The following TAFA1 variants were observed in gnomAD, a reference collection of about 807,000 sequenced individuals.
TAFA1 encodes TAFA chemokine like family member 1, also known as chemokine-like protein TAFA-1.
TAFA1 carries 4 observed loss-of-function variants against 18.5 expected under a neutral mutation model. The observed-to-expected ratio is 0.22, with a 90% CI of 0.11 to 0.49. The LOEUF is 0.49. Ranked by LOEUF, TAFA1 falls within the 20% of genes least tolerant of loss-of-function variation. The pLI is 0.98. For synonymous variants in TAFA1, 56 were observed against 55.2 expected, an observed-to-expected ratio of 1.01 and a Z score of -0.06; for missense variants, 147 against 169.0, an observed-to-expected ratio of 0.87 and a Z score of 0.72.
chr3:68,247,084 A>C lies in TAFA1; in HGVS notation c.119-170196A>C, dbSNP rs569189625. 2.0e-5 allele frequency among the ~76,000 whole-genome samples: 3 copies of C among 151,780 alleles called. No homozygotes were observed. In the South Asian group the frequency reaches 6.3e-4, roughly 32 times the overall value. On this transcript the variant is annotated intron_variant, in intron 2 of 4. Transcript: ENST00000478136. ...AGTAAACATCGATGTATTATTATTA[A>C]TACCTCCACCTACGCTATATACTGA...
chr3:68,049,514 G>A lies in TAFA1; in HGVS notation c.118+42770G>A, dbSNP rs186974922. Among the ~76,000 whole-genome samples the A allele has an allele frequency of 3.9e-5, 6 of 152,072 alleles. No individual in the cohort carries two copies. In the East Asian group the frequency reaches 1.2e-3, roughly 29 times the overall value. ...GAAGAAATGTCATTTGTGTTGCTTG[G>A]CACACATGAATTCTGCATCTCAGTA... On this transcript the variant is annotated intron_variant, in intron 2 of 4. Transcript: ENST00000478136.
intron 3 of TAFA1, among the ~76,000 whole-genome samples, chr3:68,526,861 G>GA (rs539962780): frequency 7.9e-4 from 119 of 151,394 alleles, no homozygotes; most frequent in Admixed American, 2.0e-3. Flanking sequence ...TTCAGAATTA[G>GA]AAAAAAAATA....
intron 2 of TAFA1, among the ~76,000 whole-genome samples, chr3:68,121,374 A>T (rs2065396844): frequency 6.6e-6 from 1 of 152,078 alleles, no homozygotes; most frequent in Admixed American, 6.6e-5. Context: ...GATAGAGAGA[A>T]AATAAGACGA....
At chr3:68,485,380 T>C (rs2072316838) in intron 3 of TAFA1, among the ~76,000 whole-genome samples, 1 of 152,230 alleles carries the variant, frequency 6.6e-6, no homozygotes, top group South Asian at 2.1e-4. Flanking sequence ...ATCTGTGTTT[T>C]TGTTGTACTT....
chr3:68,041,663 A>G (rs1559713916), intron 2 of TAFA1, among the ~76,000 whole-genome samples: 1 of 152,238 alleles, frequency 6.6e-6, no homozygotes, highest in Non-Finnish European at 1.5e-5. Flanking sequence ...GTGGAGAAGC[A>G]GGACAGTCAG....
At chr3:68,068,591 C>T (rs1224740717) in intron 2 of TAFA1, among the ~76,000 whole-genome samples, 7 of 152,130 alleles carry the variant, frequency 4.6e-5, no homozygotes, top group Admixed American at 4.6e-4. Flanking sequence ...TTTTTTCTTC[C>T]CCTGTGGTTT....
At chr3:68,122,280 T>C (rs554306509) in intron 2 of TAFA1, among the ~76,000 whole-genome samples, 1 of 152,272 alleles carries the variant, frequency 6.6e-6, no homozygotes, top group East Asian at 1.9e-4. Flanking sequence ...ATGGCCAGCA[T>C]TTCATGTTCC....
chr3:68,262,334 TATATATA>T (rs2067447272), intron 2 of TAFA1, among the ~76,000 whole-genome samples: 1 of 95,796 alleles, frequency 1.0e-5, no homozygotes, highest in Non-Finnish European at 2.0e-5. Context: ...TATATATATA[TATATATA>T]TATATATATA....
chr3:68,016,549 C>G (rs890128164), intron 2 of TAFA1, among the ~76,000 whole-genome samples: 1 of 152,132 alleles, frequency 6.6e-6, no homozygotes. Flanking sequence ...TGCTATACAG[C>G]TTGTAGCTTA....
At chr3:68,384,283 G>C (rs1186833691) in intron 2 of TAFA1, among the ~76,000 whole-genome samples, 1 of 151,774 alleles carries the variant, frequency 6.6e-6, no homozygotes, top group Non-Finnish European at 1.5e-5. Flanking sequence ...GTTAACTTGA[G>C]ATCTTTCTTT....
chr3:68,310,876 A>G (rs1393956203), intron 2 of TAFA1, among the ~76,000 whole-genome samples: 1 of 152,090 alleles, frequency 6.6e-6, no homozygotes, highest in Non-Finnish European at 1.5e-5. Flanking sequence ...TAGTGCTGTC[A>G]AGTGTTTACG....
intron 2 of TAFA1, among the ~76,000 whole-genome samples, chr3:68,094,811 C>T (rs1488474328): frequency 1.3e-5 from 2 of 152,128 alleles, no homozygotes; most frequent in African/African-American, 2.4e-5. Context: ...GCTTCACTAT[C>T]ACAGGTGTTA....
At chr3:68,024,805 G>GCGCACACACACACACACACA (rs911558044) in intron 2 of TAFA1, among the ~76,000 whole-genome samples, 1 of 73,582 alleles carries the variant, frequency 1.4e-5, no homozygotes, top group Admixed American at 1.4e-4. Context: ...TCTCCTTAAT[G>GCGCACACACACACACACACA]CACACACACA....
intron 2 of TAFA1, among the ~76,000 whole-genome samples, chr3:68,363,864 A>T (rs2069518491): frequency 6.6e-6 from 1 of 152,176 alleles, no homozygotes; most frequent in Admixed American, 6.5e-5. Context: ...GGGATTTCTC[A>T]AGGTTACAAC....
chr3:68,392,059 A>G (rs1163106574), intron 2 of TAFA1, among the ~76,000 whole-genome samples: 1 of 152,066 alleles, frequency 6.6e-6, no homozygotes, highest in Non-Finnish European at 1.5e-5. Flanking sequence ...AAAGACACAG[A>G]CTGGCAAATT....
intron 2 of TAFA1, among the ~76,000 whole-genome samples, chr3:68,370,933 C>T (rs955474078): frequency 2.6e-5 from 4 of 151,908 alleles, no homozygotes; most frequent in African/African-American, 9.7e-5. Context: ...AACATTGCTT[C>T]GCCTTTTTTC....
chr3:68,071,887 G>A (rs982245231), intron 2 of TAFA1, among the ~76,000 whole-genome samples: 14 of 151,638 alleles, frequency 9.2e-5, no homozygotes, highest in African/African-American at 3.4e-4. Flanking sequence ...CACAAAGATA[G>A]CACCAAGCCA....
intron 2 of TAFA1, among the ~76,000 whole-genome samples, chr3:68,207,320 T>C (rs2066540163): frequency 1.3e-5 from 2 of 152,094 alleles, no homozygotes; most frequent in South Asian, 4.1e-4. Context: ...GATTAAATGA[T>C]ATCAAAATAT....
chr3:68,227,780 T>A (rs1299480652), intron 2 of TAFA1, among the ~76,000 whole-genome samples: 2 of 152,196 alleles, frequency 1.3e-5, no homozygotes, highest in African/African-American at 4.8e-5. Flanking sequence ...AAACAGGGTG[T>A]GAATTTATCA....
Sources: gnomAD v4.1 joint callset for allele counts (sites outside exome capture counted in the v4.1 genomes callset) on GRCh38, gnomAD v4.1.1 for gene constraint, MANE v1.5 for transcripts, NCBI Gene and HGNC (gene_info 2026-07-23, HGNC 2026-07-21) for gene names.